HTR1F: variants seen among roughly 807,000 people sequenced by gnomAD.
The protein encoded by HTR1F is 5-hydroxytryptamine receptor 1F.
A neutral mutation model predicts 24.0 loss-of-function variants in HTR1F; 17 were observed. That is an observed-to-expected ratio of 0.71 (90% CI 0.48 to 1.06). The LOEUF (loss-of-function observed/expected upper bound fraction) is 1.06. HTR1F is among the 50% of genes least tolerant of loss of function. The probability of loss-of-function intolerance (pLI) is 0.00; values close to 1 mark genes in which losing one functional copy is unlikely to be tolerated. For missense variants in HTR1F, 391 were observed against 427.8 expected, an observed-to-expected ratio of 0.91 and a Z score of 0.76; for synonymous variants, 186 against 156.8, an observed-to-expected ratio of 1.19 and a Z score of -1.39.
chr3:87,816,991 G>A (rs577562171), intron 1 of HTR1F, among the ~76,000 whole-genome samples: 1 of 151,980 alleles, frequency 6.6e-6, no homozygotes, highest in East Asian at 1.9e-4. Context: ...GGTTACAAAG[G>A]TATTTATAAA....
At chr3:87,920,502 C>G (rs1331357534) in intron 2 of HTR1F, among the ~76,000 whole-genome samples, 1 of 151,406 alleles carries the variant, frequency 6.6e-6, no homozygotes, top group Admixed American at 6.6e-5. Flanking sequence ...GGACATGGCA[C>G]CTATATTTTT....
At chr3:87,950,329 A>G (rs1704805264) in intron 2 of HTR1F, among the ~76,000 whole-genome samples, 1 of 152,174 alleles carries the variant, frequency 6.6e-6, no homozygotes, top group Admixed American at 6.5e-5. Context: ...TATATATTCT[A>G]TTTTATCCTC....
rs563604797 is a variant in HTR1F at position 87,907,882 on chromosome 3, G to A, written c.-42-82826G>A. 2.1e-4 allele frequency among the ~76,000 whole-genome samples: 32 copies of A among 151,932 alleles called. No individual in the cohort carries two copies. In the South Asian group the frequency reaches 2.9e-3, roughly 14 times the overall value. On this transcript the variant is annotated intron_variant, in intron 2 of 2. Coordinates refer to ENST00000319595, the MANE Select transcript of HTR1F (RefSeq NM_001322209.2). ...ATAACATTTTTAACCAAAAGAAAGA[G>A]GCATCAGCAGACTGATTATATGTTG...
intron 2 of HTR1F, among the ~76,000 whole-genome samples, chr3:87,950,485 C>T (rs1469073303): frequency 6.6e-6 from 1 of 151,476 alleles, no homozygotes; most frequent in African/African-American, 2.4e-5. Context: ...CCTTCTGGTC[C>T]TTCAGTTGAT....
At position 87,991,110 on chromosome 3, in the gene HTR1F, C is replaced by A. The variant is rs1576130169; in HGVS notation, c.361C>A (p.Arg121=). ...ILHLSAIALD[R]YRAITDAVEY... ...GCATCTCTCAGCTATAGCTTTGGAT[C>A]GGTATCGAGCAATCACAGATGCTGT... The change falls in exon 3 of 3, where the codon CGG becomes AGG. Residue 121 remains arginine, a synonymous_variant. Transcript: ENST00000319595. 1 of 1,613,856 alleles carries A rather than the reference C, an allele frequency of 6.2e-7. No homozygotes were observed. Among genetic ancestry groups the A allele is most frequent in the Non-Finnish European group, 8.5e-7 (1 of 1,180,030 alleles).
At chr3:87,918,226 T>TA (rs1418116135) in intron 2 of HTR1F, among the ~76,000 whole-genome samples, 2 of 151,918 alleles carry the variant, frequency 1.3e-5, no homozygotes, top group Non-Finnish European at 2.9e-5. Flanking sequence ...TACGTCAATA[T>TA]AATAAAAGCC....
intron 2 of HTR1F, among the ~76,000 whole-genome samples, chr3:87,886,297 C>A (rs1182760355): frequency 4.6e-5 from 7 of 152,022 alleles, no homozygotes; most frequent in African/African-American, 1.4e-4. Flanking sequence ...ACAGCCCTTC[C>A]TGCTAAAAAC....
chr3:87,980,177 A>C (rs1346264673), intron 2 of HTR1F, among the ~76,000 whole-genome samples: 1 of 152,204 alleles, frequency 6.6e-6, no homozygotes, highest in East Asian at 1.9e-4. Flanking sequence ...TGGAGAGTGA[A>C]CAAGGCAAAG....
intron 2 of HTR1F, among the ~76,000 whole-genome samples, chr3:87,832,316 C>CTTTTTTTTTTTTTTTTTTTTTTT (rs60414125): frequency 2.4e-5 from 3 of 125,522 alleles, no homozygotes; most frequent in Non-Finnish European, 1.7e-5. Context: ...AATATCCCTT[C>CTTTTTTTTTTTTTTTTTTTTTTT]TTTTTTTTTT....
intron 2 of HTR1F, among the ~76,000 whole-genome samples, chr3:87,907,237 G>A (rs1257017357): frequency 6.6e-6 from 1 of 151,520 alleles, no homozygotes; most frequent in East Asian, 1.9e-4. Context: ...CAAAAGTAAG[G>A]TGGTATTGCA....
chr3:87,894,151 G>A (rs1232751357), intron 2 of HTR1F, among the ~76,000 whole-genome samples: 1 of 152,130 alleles, frequency 6.6e-6, no homozygotes, highest in Non-Finnish European at 1.5e-5. Flanking sequence ...ACCGAACCTG[G>A]ATGGTAGTCT....
chr3:87,843,518 T>A (rs1435374039), intron 2 of HTR1F, among the ~76,000 whole-genome samples: 3 of 150,722 alleles, frequency 2.0e-5, no homozygotes, highest in African/African-American at 7.3e-5. Context: ...TTTCTTTTTT[T>A]TTTTTTAATT....
chr3:87,845,053 C>T, intron 2 of HTR1F, among the ~76,000 whole-genome samples: 1 of 151,680 alleles, frequency 6.6e-6, no homozygotes, highest in East Asian at 1.9e-4. Flanking sequence ...TAAAAACTCT[C>T]AATAAATTAG....
intron 2 of HTR1F, among the ~76,000 whole-genome samples, chr3:87,824,440 A>G (rs893963996): frequency 6.6e-6 from 1 of 152,168 alleles, no homozygotes; most frequent in African/African-American, 2.4e-5. Context: ...ATCACTCTTC[A>G]TAGTGCATTA....
intron 2 of HTR1F, among the ~76,000 whole-genome samples, chr3:87,900,292 T>G (rs1706292352): frequency 1.3e-5 from 2 of 152,194 alleles, no homozygotes; most frequent in Non-Finnish European, 1.5e-5. Context: ...TATATTGGAA[T>G]GAACTTTTAA....
chr3:87,972,115 A>G (rs1705298444), intron 2 of HTR1F, among the ~76,000 whole-genome samples: 1 of 152,184 alleles, frequency 6.6e-6, no homozygotes, highest in South Asian at 2.1e-4. Flanking sequence ...CAGGAACCAA[A>G]TTTTGTTCTA....
intron 2 of HTR1F, among the ~76,000 whole-genome samples, chr3:87,871,021 G>T (rs921513669): frequency 6.7e-6 from 1 of 150,236 alleles, no homozygotes; most frequent in African/African-American, 2.4e-5. Flanking sequence ...AAGAAACAGG[G>T]AAGTATGGCT....
chr3:87,852,316 G>A (rs1313016333), intron 2 of HTR1F, among the ~76,000 whole-genome samples: 1 of 151,378 alleles, frequency 6.6e-6, no homozygotes, highest in Non-Finnish European at 1.5e-5. Context: ...CTGTTTTATA[G>A]TTTATGCATT....
intron 2 of HTR1F, among the ~76,000 whole-genome samples, chr3:87,923,919 A>G (rs954128943): frequency 2.0e-5 from 3 of 151,992 alleles, no homozygotes; most frequent in Admixed American, 1.3e-4. Context: ...GGATGTTTGC[A>G]TCTCTGTTCA....
Sources: allele counts gnomAD v4.1 joint callset (sites outside exome capture counted in the v4.1 genomes callset), GRCh38; gene constraint gnomAD v4.1.1; transcripts MANE v1.5; gene names NCBI Gene and HGNC (gene_info 2026-07-23, HGNC 2026-07-21).